Variants in TMEM43 observed in about 807,000 individuals in gnomAD.
TMEM43 encodes transmembrane protein 43, also known as arrhythmogenic right ventricular dysplasia 5.
TMEM43 carries 45 observed loss-of-function variants against 49.6 expected under a neutral mutation model. The ratio of observed to expected loss-of-function variants is 0.91; its 90% CI spans 0.71 to 1.16. The LOEUF is 1.16. Ranked by LOEUF, TMEM43 falls within the 50% of genes most tolerant of loss-of-function variation. The pLI is 0.00. For synonymous variants in TMEM43, 199 were observed against 207.8 expected (o/e 0.96, Z 0.36); for missense variants, 532 against 516.6 (o/e 1.03, Z -0.29).
intron 10 of TMEM43, among the ~76,000 whole-genome samples, chr3:14,138,969 G>A (rs544511580): frequency 5.3e-5 from 8 of 152,320 alleles, no homozygotes; most frequent in South Asian, 4.1e-4. Context: ...AGGAAGGCCC[G>A]TACGTTCCAC....
chr3:14,132,731 G>A, intron 5 of TMEM43, 135 bp from the exon 6 acceptor site: 1 of 1,373,518 alleles, frequency 7.3e-7, no homozygotes, highest in South Asian at 1.2e-5. Context: ...AGTCTTCAGA[G>A]CCCTGCTTTC....
rs1304467714 is a variant in TMEM43 at position 14,132,544 on chromosome 3, A to G, written c.393-2A>G. 8 of 1,614,114 alleles carry G rather than the reference A, an allele frequency of 5.0e-6. No individual in the cohort carries two copies. Among genetic ancestry groups the G allele is most frequent in the South Asian group, 4.4e-5 (4 of 91,086 alleles). On this transcript the variant is annotated splice_acceptor_variant, in intron 4 of 11. Transcript: ENST00000306077. LOFTEE classifies it high-confidence loss of function. ...CCCGTGGCTGCTTTGCTTTCCCTGC[A>G]GGGAGTACACCGAGGATGGGCAGGT... is the stretch of plus-strand genomic sequence containing the variant.
intron 10 of TMEM43, among the ~76,000 whole-genome samples, chr3:14,137,415 A>G (rs548312114): frequency 6.6e-6 from 1 of 152,156 alleles, no homozygotes; most frequent in Non-Finnish European, 1.5e-5. Flanking sequence ...GGCTTAGGTA[A>G]TGCCCCAGAA....
intron 6 of TMEM43, 125 bp from the exon 7 acceptor site, chr3:14,133,614 C>A: frequency 1.1e-6 from 1 of 870,298 alleles, no homozygotes; most frequent in Non-Finnish European, 2.0e-6. Context: ...ATGTCTGCTG[C>A]GCCTGGGCTA....
At chr3:14,125,802 G>A (rs944017224) in intron 1 of TMEM43, among the ~76,000 whole-genome samples, 2 of 152,180 alleles carry the variant, frequency 1.3e-5, no homozygotes, top group African/African-American at 4.8e-5. Flanking sequence ...CCTCCCCCTA[G>A]CAAGGATTTG....
chr3:14,128,915 AT>A, intron 1 of TMEM43: 1 of 456,170 alleles, frequency 2.2e-6, no homozygotes. Context: ...ACACTGTGGT[AT>A]AGTCATAAAT....
At chr3:14,127,427 A>G (rs996212454) in intron 1 of TMEM43, among the ~76,000 whole-genome samples, 5 of 152,188 alleles carry the variant, frequency 3.3e-5, no homozygotes, top group African/African-American at 4.8e-5. Context: ...TGCTGCCTGC[A>G]GCTGGCTCCC....
chr3:14,132,721 A>G, intron 5 of TMEM43, 126 bp downstream of exon 5: 1 of 1,378,344 alleles, frequency 7.3e-7, no homozygotes, highest in South Asian at 1.2e-5. Context: ...CCTGGGTGCA[A>G]GTCTTCAGAG....
intron 1 of TMEM43, chr3:14,128,918 G>A (rs1695055223): frequency 2.2e-6 from 1 of 456,242 alleles, no homozygotes; most frequent in Non-Finnish European, 4.4e-6. Context: ...CTGTGGTATA[G>A]TCATAAATGG....
intron 11 of TMEM43, among the ~76,000 whole-genome samples, chr3:14,140,852 G>A (rs968467556): frequency 3.3e-5 from 5 of 152,194 alleles, no homozygotes; most frequent in African/African-American, 1.2e-4. Context: ...CTTGCAGGGT[G>A]TGCTGCAGGC....
rs1298924564 is a variant in TMEM43, at chr3:14,143,532, T to C, written c.*1737T>C. On this transcript the variant is annotated 3_prime_UTR_variant, in exon 12 of 12. Coordinates refer to ENST00000306077, the MANE Select transcript of TMEM43 (RefSeq NM_024334.3). ...CAAAATCCTTGGGCTTTGGTTTTTT[T>C]CTAGTAAGGATTTTAAATAACTGCC... The C allele has an allele frequency of 2.0e-5, 3 of 152,254 alleles. No individual in the cohort carries two copies. The highest frequency in any genetic ancestry group is 1.3e-4 in the Admixed American group (2 of 15,290). The allele number at this position is 152,254 out of a possible 1,614,324, so 9.4% of individuals were successfully genotyped here.
intron 9 of TMEM43, 25 bp downstream of exon 9, chr3:14,135,257 C>A: frequency 6.3e-7 from 1 of 1,598,610 alleles, no homozygotes; most frequent in South Asian, 1.1e-5. Context: ...CAGGGGCAGA[C>A]ACTAAGTCAG....
chr3:14,142,090 G>A lies in TMEM43; in HGVS notation c.*295G>A, dbSNP rs1023185006. ...TTCCTCTCTTGGACTGAGTGGGTAC[G>A]GCCAGCCACTCAGCCCATTGGCAGC... On this transcript the variant is annotated 3_prime_UTR_variant, in exon 12 of 12. Transcript: ENST00000306077. 6.5e-6 allele frequency: 3 copies of A among 458,904 alleles called. No individual in the cohort carries two copies. Among genetic ancestry groups the A allele is most frequent in the East Asian group, 4.2e-5 (1 of 23,708 alleles). 28.4% of individuals were successfully genotyped at this position (458,904 alleles called of 1,614,324 possible).
intron 1 of TMEM43, among the ~76,000 whole-genome samples, chr3:14,128,198 C>A (rs1371791852): frequency 6.6e-6 from 1 of 152,156 alleles, no homozygotes; most frequent in South Asian, 2.1e-4. Context: ...CTCCAGAATC[C>A]TGCCCTAGAC....
chr3:14,133,775 C>T lies in TMEM43; in HGVS notation c.549C>T (p.Pro183=), dbSNP rs1351318637. 6.2e-7 allele frequency: 1 copy of T among 1,614,162 alleles called. No homozygotes were observed. Among genetic ancestry groups the T allele is most frequent in the Non-Finnish European group, 8.5e-7 (1 of 1,179,974 alleles). The change falls in exon 7 of 12, where the codon CCC becomes CCT. Residue 183 remains proline (P), a synonymous_variant. Coordinates refer to ENST00000306077, the MANE Select transcript of TMEM43 (RefSeq NM_024334.3). ...MAVESFMATA[P]FVQIGRFFLS... ...TGGAGTCATTCATGGCAACAGCCCC[C>T]TTTGTCCAAATTGGCAGGTTTTTCC... is the stretch of plus-strand genomic sequence containing the variant.
At chr3:14,134,965 T>G (rs1695148541) in intron 8 of TMEM43, 74 bp downstream of exon 8, 1 of 1,606,542 alleles carries the variant, frequency 6.2e-7, no homozygotes, top group Non-Finnish European at 8.5e-7. Context: ...CCAGGCAGAT[T>G]CAGTTCAGTC....
At chr3:14,140,259 G>A (rs529428658) in intron 11 of TMEM43, among the ~76,000 whole-genome samples, 3 of 152,272 alleles carry the variant, frequency 2.0e-5, no homozygotes, top group East Asian at 1.9e-4. Flanking sequence ...GCATTTAAAC[G>A]GAATCCTCTT....
chr3:14,129,657 G>A, intron 2 of TMEM43, 96 bp downstream of exon 2: 1 of 1,371,112 alleles, frequency 7.3e-7, no homozygotes, highest in East Asian at 2.3e-5. Context: ...GTAATCAAGG[G>A]CCTAGATTTT....
rs970977670 is a variant in TMEM43, at chr3:14,142,250, C to T, written c.*455C>T. On this transcript the variant is annotated 3_prime_UTR_variant, in exon 12 of 12. Coordinates refer to ENST00000306077, the MANE Select transcript of TMEM43 (RefSeq NM_024334.3). ...CACATCTGTGATCCTGAAGGGCGGCCGTTAGTCATTACTGCTGAGTCCTGG... is the reference window on the plus strand; with the variant it reads ...CACATCTGTGATCCTGAAGGGCGGCTGTTAGTCATTACTGCTGAGTCCTGG... 4 of 212,038 alleles carry T rather than the reference C, an allele frequency of 1.9e-5. No individual in the cohort carries two copies. Among genetic ancestry groups the T allele is most frequent in the South Asian group, 7.5e-5 (1 of 13,364 alleles). 13.1% of individuals were successfully genotyped at this position (212,038 alleles called of 1,614,324 possible).
Sources: allele counts gnomAD v4.1 joint callset (sites outside exome capture counted in the v4.1 genomes callset), GRCh38; gene constraint gnomAD v4.1.1; transcripts MANE v1.5; gene names NCBI Gene and HGNC (gene_info 2026-07-23, HGNC 2026-07-21).